Variants in FAM78B observed in about 807,000 individuals in gnomAD.
FAM78B encodes the protein protein FAM78B.
Under a neutral mutation model 20.0 loss-of-function variants are expected in FAM78B, and 10 were observed. The observed-to-expected ratio is 0.50, with a 90% CI of 0.31 to 0.85. The LOEUF is 0.85. Among genes scored for constraint, FAM78B ranks in the 40% least tolerant of loss-of-function variants. The probability of loss-of-function intolerance (pLI) is 0.05; values close to 1 mark genes in which losing one functional copy is unlikely to be tolerated. For synonymous variants in FAM78B, 135 were observed against 132.8 expected (o/e 1.02, Z -0.12); for missense variants, 283 against 345.0 (o/e 0.82, Z 1.42).
At chr1:166,110,386 G>T (rs889367892) in intron 1 of FAM78B, among the ~76,000 whole-genome samples, 1 of 152,158 alleles carries the variant, frequency 6.6e-6, no homozygotes, top group African/African-American at 2.4e-5. Flanking sequence ...TCTTTGAGGA[G>T]TCAGGCAGTA....
At chr1:166,095,351 T>C (rs1489752146) in intron 1 of FAM78B, among the ~76,000 whole-genome samples, 1 of 151,898 alleles carries the variant, frequency 6.6e-6, no homozygotes, top group Non-Finnish European at 1.5e-5. Flanking sequence ...AGAGGTGTGC[T>C]GAACAGTCTG....
chr1:166,095,292 C>T (rs574538857), intron 1 of FAM78B, among the ~76,000 whole-genome samples: 15 of 152,018 alleles, frequency 9.9e-5, no homozygotes, highest in South Asian at 6.2e-4. Flanking sequence ...CAAGAGCAGC[C>T]GGAGTGCAGG....
At chr1:166,062,179 C>A (rs1444944877) in intron 2 of FAM78B, among the ~76,000 whole-genome samples, 1 of 152,180 alleles carries the variant, frequency 6.6e-6, no homozygotes, top group Admixed American at 6.5e-5. Flanking sequence ...GATTGGCCTT[C>A]TTCCCATTTC....
chr1:166,074,780 T>C (rs543351427), intron 1 of FAM78B, among the ~76,000 whole-genome samples: 4 of 152,344 alleles, frequency 2.6e-5, no homozygotes, highest in African/African-American at 7.2e-5. Flanking sequence ...GTGAATGAAG[T>C]AGTGAATATG....
At position 166,070,624 on chromosome 1, in the gene FAM78B, A is replaced by G; in HGVS notation, c.403T>C (p.Ser135Pro). The stretch of plus-strand genomic sequence containing the variant: ...TAGAAGTTGTCATTCATGCTGACGG[A>G]GAACCTGGAGATCTTGTTGGTGGGG... ...VGPTNKISRFSVSMNDNFYPS... is the reference protein window; with the variant it reads ...VGPTNKISRFPVSMNDNFYPS... Residue 135 changes from serine (S) to proline (P), a missense_variant, in exon 2 of 2, where the codon TCC (serine) becomes CCC (proline). Transcript: ENST00000354422. 1 of 1,613,736 alleles carries G rather than the reference A, an allele frequency of 6.2e-7. No individual in the cohort carries two copies. Among genetic ancestry groups the G allele is most frequent in the Non-Finnish European group, 8.5e-7 (1 of 1,180,022 alleles).
At chr1:166,060,420 T>A in exon 3 of FAM78B, 1 of 404,440 alleles carries the variant, frequency 2.5e-6, no homozygotes, top group Non-Finnish European at 4.9e-6. Context: ...CAGCTCCCCA[T>A]GGGCCAAGCA....
downstream of FAM78B, among the ~76,000 whole-genome samples, chr1:166,066,564 A>G (rs1351724549): frequency 6.6e-6 from 1 of 152,196 alleles, no homozygotes; most frequent in Non-Finnish European, 1.5e-5. Flanking sequence ...TTGTGTACTC[A>G]TGGATATGCC....
intron 1 of FAM78B, among the ~76,000 whole-genome samples, chr1:166,077,970 A>AATTTATATAT (rs1418600529): frequency 7.3e-3 from 10 of 1,376 alleles, no homozygotes; most frequent in East Asian, 0.022. Flanking sequence ...TTATATATAT[A>AATTTATATAT]ATAAATATAT....
intron 1 of FAM78B, among the ~76,000 whole-genome samples, chr1:166,162,925 T>G (rs544294548): frequency 2.4e-3 from 365 of 152,232 alleles, no homozygotes; most frequent in Non-Finnish European, 4.0e-3. Context: ...TACCCATACC[T>G]CAGAGTTCAC....
chr1:166,089,720 G>C (rs960320579), intron 1 of FAM78B, among the ~76,000 whole-genome samples: 1 of 152,138 alleles, frequency 6.6e-6, no homozygotes, highest in Admixed American at 6.6e-5. Context: ...CTCTGGAATG[G>C]GGGGTGAGGG....
chr1:166,135,434 T>G (rs955692643), intron 1 of FAM78B, among the ~76,000 whole-genome samples: 7 of 152,210 alleles, frequency 4.6e-5, no homozygotes, highest in African/African-American at 7.2e-5. Context: ...ATCATCCTGA[T>G]GATGATTCAC....
At chr1:166,150,468 C>A (rs1655632893) in intron 1 of FAM78B, among the ~76,000 whole-genome samples, 1 of 152,160 alleles carries the variant, frequency 6.6e-6, no homozygotes, top group African/African-American at 2.4e-5. Context: ...CTGAAAAACT[C>A]CTACATTGCA....
intron 1 of FAM78B, among the ~76,000 whole-genome samples, chr1:166,121,278 C>T (rs1380500709): frequency 6.6e-6 from 1 of 152,082 alleles, no homozygotes; most frequent in East Asian, 1.9e-4. Context: ...AGGTGTGTAG[C>T]TGTGGTGGGA....
Position 166,070,623 on chromosome 1 carries a change from G to C in FAM78B, c.404C>G (p.Ser135Cys). ...VGPTNKISRF[S>C]VSMNDNFYPS... is the part of the protein sequence containing the mutation. ...GTAGAAGTTGTCATTCATGCTGACGGAGAACCTGGAGATCTTGTTGGTGGG... is the reference window on the plus strand; with the variant it reads ...GTAGAAGTTGTCATTCATGCTGACGCAGAACCTGGAGATCTTGTTGGTGGG... The change falls in exon 2 of 2, where the codon TCC (serine) becomes TGC (cysteine). Residue 135 changes from serine to cysteine, a missense_variant. By Grantham distance (112) the Ser-to-Cys change is moderately radical (BLOSUM62 -1). Coordinates refer to ENST00000354422, the MANE Select transcript of FAM78B (RefSeq NM_001017961.5). The C allele has an allele frequency of 6.2e-7, 1 of 1,613,744 alleles. No individual in the cohort carries two copies. Among genetic ancestry groups the C allele is most frequent in the Non-Finnish European group, 8.5e-7 (1 of 1,180,020 alleles).
intron 1 of FAM78B, among the ~76,000 whole-genome samples, chr1:166,122,641 T>G (rs1238760061): frequency 6.6e-6 from 1 of 152,180 alleles, no homozygotes; most frequent in Non-Finnish European, 1.5e-5. Context: ...CAAATCCTCA[T>G]TCTCTCTCTT....
intron 1 of FAM78B, among the ~76,000 whole-genome samples, chr1:166,096,578 C>A (rs1653282845): frequency 6.6e-6 from 1 of 152,162 alleles, no homozygotes; most frequent in Admixed American, 6.5e-5. Flanking sequence ...TGACCTAGGG[C>A]GAGTCACTTG....
At chr1:166,102,905 A>C (rs1049014007) in intron 1 of FAM78B, among the ~76,000 whole-genome samples, 6 of 152,228 alleles carry the variant, frequency 3.9e-5, no homozygotes, top group Non-Finnish European at 5.9e-5. Context: ...CAGAATATAC[A>C]TTCTTTTCAG....
At chr1:166,130,520 T>C (rs1654833058) in intron 1 of FAM78B, among the ~76,000 whole-genome samples, 1 of 152,166 alleles carries the variant, frequency 6.6e-6, no homozygotes, top group Admixed American at 6.6e-5. Context: ...GGGAACACTT[T>C]TGGTTGTCAC....
downstream of FAM78B, among the ~76,000 whole-genome samples, chr1:166,064,912 C>A (rs1651744480): frequency 6.6e-6 from 1 of 152,188 alleles, no homozygotes; most frequent in East Asian, 1.9e-4. Flanking sequence ...TTGTTCAAGT[C>A]CAGCTACCAG....
Sources: gnomAD v4.1 joint callset for allele counts (sites outside exome capture counted in the v4.1 genomes callset) on GRCh38, gnomAD v4.1.1 for gene constraint, MANE v1.5 for transcripts, NCBI Gene and HGNC (gene_info 2026-07-23, HGNC 2026-07-21) for gene names.